The following GNAQ variants were observed in gnomAD, a reference collection of about 807,000 sequenced individuals.
GNAQ encodes G protein subunit alpha q.
In GNAQ, 8 loss-of-function variants were observed where a neutral mutation model predicts 43.9. The observed-to-expected ratio is 0.18, with a 90% CI of 0.11 to 0.33. The LOEUF is 0.33. GNAQ is among the 10% of genes least tolerant of loss of function. The probability of loss-of-function intolerance (pLI) is 1.00; values close to 1 mark genes in which losing one functional copy is unlikely to be tolerated. For missense variants in GNAQ, 158 were observed against 450.8 expected (o/e 0.35, Z 5.88); for synonymous variants, 155 against 170.7 (o/e 0.91, Z 0.71).
intron 2 of GNAQ, among the ~76,000 whole-genome samples, chr9:77,858,087 T>A (rs764793308): frequency 6.6e-5 from 10 of 152,078 alleles, no homozygotes; most frequent in Non-Finnish European, 1.0e-4. Flanking sequence ...CTTTTCAATC[T>A]CCCCTTCCTG....
At chr9:77,810,380 G>A (rs2118497300) in intron 3 of GNAQ, among the ~76,000 whole-genome samples, 1 of 152,196 alleles carries the variant, frequency 6.6e-6, no homozygotes, top group East Asian at 1.9e-4. Context: ...TAAGTATGTG[G>A]CCTTGAACAA....
intron 2 of GNAQ, among the ~76,000 whole-genome samples, chr9:77,891,359 T>C (rs1027716041): frequency 6.6e-6 from 1 of 152,250 alleles, no homozygotes; most frequent in African/African-American, 2.4e-5. Context: ...TGTTGAATTA[T>C]TTCCTTTACC....
intron 2 of GNAQ, among the ~76,000 whole-genome samples, chr9:77,913,280 A>G (rs768380484): frequency 1.8e-5 from 2 of 108,354 alleles, no homozygotes; most frequent in Non-Finnish European, 4.2e-5. Flanking sequence ...GCCCAAATTT[A>G]TAATAGGATA....
At chr9:77,877,267 T>C (rs1008355755) in intron 2 of GNAQ, among the ~76,000 whole-genome samples, 3 of 152,236 alleles carry the variant, frequency 2.0e-5, no homozygotes, top group Non-Finnish European at 4.4e-5. Context: ...CCCTATTCCA[T>C]GTCATAGAAA....
intron 2 of GNAQ, among the ~76,000 whole-genome samples, chr9:77,818,334 C>T (rs1352378074): frequency 6.6e-6 from 1 of 151,784 alleles, no homozygotes; most frequent in Admixed American, 6.6e-5. Flanking sequence ...GCTTTCATCT[C>T]AGATTCTCTA....
chr9:77,830,907 G>C (rs1393877189), intron 2 of GNAQ, among the ~76,000 whole-genome samples: 2 of 152,064 alleles, frequency 1.3e-5, no homozygotes, highest in Non-Finnish European at 2.9e-5. Flanking sequence ...GTCCTTTAAA[G>C]AAAGAGTTTC....
chr9:77,883,385 T>A (rs1024982036), intron 2 of GNAQ, among the ~76,000 whole-genome samples: 3 of 152,016 alleles, frequency 2.0e-5, no homozygotes, highest in Admixed American at 6.5e-5. Context: ...AAGAAACTTA[T>A]GAATCAGAGT....
chr9:77,807,722 T>C (rs1397966729), intron 3 of GNAQ, among the ~76,000 whole-genome samples: 2 of 152,218 alleles, frequency 1.3e-5, no homozygotes, highest in Admixed American at 6.5e-5. Flanking sequence ...CTAGGTTTTA[T>C]CTAAATAGCA....
intron 2 of GNAQ, among the ~76,000 whole-genome samples, chr9:77,837,408 G>C (rs1451953210): frequency 6.6e-6 from 1 of 151,982 alleles, no homozygotes; most frequent in East Asian, 1.9e-4. Flanking sequence ...AAAAAAATTA[G>C]CCGGGTGAGG....
At chr9:77,744,360 G>A (rs1376117905) in intron 5 of GNAQ, among the ~76,000 whole-genome samples, 1 of 152,172 alleles carries the variant, frequency 6.6e-6, no homozygotes, top group African/African-American at 2.4e-5. Flanking sequence ...GCAGCCCAGA[G>A]CCTTTTGGAT....
chr9:77,872,008 A>G (rs985265727), intron 2 of GNAQ, among the ~76,000 whole-genome samples: 12 of 152,342 alleles, frequency 7.9e-5, no homozygotes, highest in African/African-American at 2.9e-4. Flanking sequence ...CAGGGCTAAT[A>G]AGATACATGT....
intron 2 of GNAQ, among the ~76,000 whole-genome samples, chr9:77,888,534 C>G (rs1030059809): frequency 1.3e-5 from 2 of 152,116 alleles, no homozygotes; most frequent in Non-Finnish European, 2.9e-5. Flanking sequence ...AAAATGTCTA[C>G]TCATTGTCGC....
chr9:77,979,799 CT>C (rs1399963508), intron 1 of GNAQ, among the ~76,000 whole-genome samples: 4 of 152,184 alleles, frequency 2.6e-5, no homozygotes, highest in African/African-American at 9.7e-5. Context: ...TTCAGTTTTT[CT>C]TTGTTCCCCC....
At chr9:77,754,892 A>G (rs1397768257) in intron 5 of GNAQ, among the ~76,000 whole-genome samples, 1 of 152,232 alleles carries the variant, frequency 6.6e-6, no homozygotes, top group Non-Finnish European at 1.5e-5. Context: ...TATACCCAAA[A>G]GAAGGAAAAT....
At chr9:77,812,299 CAACTTTAT>C (rs1415855960) in intron 3 of GNAQ, among the ~76,000 whole-genome samples, 1 of 152,140 alleles carries the variant, frequency 6.6e-6, no homozygotes, top group Non-Finnish European at 1.5e-5. Flanking sequence ...AAGTAAAATA[CAACTTTAT>C]AATGGAGGGT....
intron 5 of GNAQ, among the ~76,000 whole-genome samples, chr9:77,762,174 G>A (rs1286567354): frequency 1.5e-5 from 2 of 132,962 alleles, no homozygotes; most frequent in African/African-American, 5.6e-5. Flanking sequence ...GGTGAGGGGC[G>A]CCTCTGCCCG....
chr9:77,964,116 GTCATC>G (rs1823137814), intron 1 of GNAQ, among the ~76,000 whole-genome samples: 1 of 151,914 alleles, frequency 6.6e-6, no homozygotes, highest in Non-Finnish European at 1.5e-5. Flanking sequence ...AATTTCTGAA[GTCATC>G]TCATATTAAT....
chr9:77,975,610 G>C (rs1339214003), intron 1 of GNAQ, among the ~76,000 whole-genome samples: 1 of 147,802 alleles, frequency 6.8e-6, no homozygotes, highest in Non-Finnish European at 1.5e-5. Flanking sequence ...CGCGATCTCG[G>C]TTCACTGCAA....
At chr9:78,016,481 C>G (rs1489577796) in intron 1 of GNAQ, among the ~76,000 whole-genome samples, 1 of 152,026 alleles carries the variant, frequency 6.6e-6, no homozygotes, top group South Asian at 2.1e-4. Context: ...GCCAGGAGAT[C>G]GAGACCATCC....
Sources: gnomAD v4.1 joint callset for allele counts (sites outside exome capture counted in the v4.1 genomes callset) on GRCh38, gnomAD v4.1.1 for gene constraint, MANE v1.5 for transcripts, NCBI Gene and HGNC (gene_info 2026-07-23, HGNC 2026-07-21) for gene names.